The following STIM1 variants were observed in gnomAD, a reference collection of about 807,000 sequenced individuals.
STIM1 encodes stromal interaction molecule 1.
A neutral mutation model predicts 74.7 loss-of-function variants in STIM1; 25 were observed. The observed-to-expected ratio is 0.33, with a 90% CI of 0.24 to 0.47. STIM1 has a LOEUF of 0.47. Among genes scored for constraint, STIM1 ranks in the 20% least tolerant of loss-of-function variants. The pLI, the probability that STIM1 is intolerant of heterozygous loss-of-function variation, is 1.00. For synonymous variants in STIM1, 328 were observed against 348.8 expected (o/e 0.94, Z 0.66); for missense variants, 728 against 920.8 (o/e 0.79, Z 2.71).
chr11:4,029,659 G>T (rs941790595), intron 3 of STIM1, among the ~76,000 whole-genome samples: 1 of 152,134 alleles, frequency 6.6e-6, no homozygotes, highest in Non-Finnish European at 1.5e-5. Flanking sequence ...CCCTGCAATG[G>T]AATGGCATCT....
chr11:3,938,900 T>G (rs1309363695), intron 1 of STIM1, among the ~76,000 whole-genome samples: 1 of 152,186 alleles, frequency 6.6e-6, no homozygotes, highest in Admixed American at 6.5e-5. Context: ...CATTAGAAGA[T>G]GTGAGAAGGG....
chr11:3,873,431 A>G (rs1021045540), intron 1 of STIM1, among the ~76,000 whole-genome samples: 1 of 151,750 alleles, frequency 6.6e-6, no homozygotes, highest in Admixed American at 6.6e-5. Flanking sequence ...AAAAAAAAAA[A>G]AAAAAATTAA....
In STIM1 at chr11:3,906,229, T is replaced by A. The variant is rs190737609; in HGVS notation, c.139+49820T>A. Among the ~76,000 whole-genome samples, 138 of 152,332 alleles carry A rather than the reference T, an allele frequency of 9.1e-4. 1 individual carries two copies. The highest frequency in any genetic ancestry group is 3.2e-3 in the African/African-American group (131 of 41,586). On this transcript the variant is annotated intron_variant, in intron 1 of 12. Transcript: ENST00000526596. ...TGGTAGGCTTCTTCCTAAGTATTTT[T>A]ATTTGAGTTGAATAATTTTGATTCA...
intron 1 of STIM1, among the ~76,000 whole-genome samples, chr11:3,895,243 C>T (rs1281416558): frequency 6.6e-6 from 1 of 152,108 alleles, no homozygotes; most frequent in Non-Finnish European, 1.5e-5. Context: ...ACTCCTGGAG[C>T]AAAGCCACTT....
chr11:3,892,018 G>C (rs1016467572), intron 1 of STIM1, among the ~76,000 whole-genome samples: 7 of 152,248 alleles, frequency 4.6e-5, no homozygotes, highest in Admixed American at 1.3e-4. Context: ...GTCTAGCAGA[G>C]TGTCTAAGGA....
intron 1 of STIM1, among the ~76,000 whole-genome samples, chr11:3,933,596 T>C (rs2092897362): frequency 6.6e-6 from 1 of 152,218 alleles, no homozygotes; most frequent in South Asian, 2.1e-4. Context: ...TTGACTTATT[T>C]GCCTTGCCTC....
chr11:4,006,975 ATTCTC>A (rs1381707774), intron 2 of STIM1, among the ~76,000 whole-genome samples: 1 of 152,138 alleles, frequency 6.6e-6, no homozygotes, highest in Non-Finnish European at 1.5e-5. Flanking sequence ...ATGTCAGTGA[ATTCTC>A]TTCTCTGGTG....
In STIM1 at chr11:3,928,623, G is replaced by A. The variant is rs1403790103; in HGVS notation, c.140-38929G>A. Among the ~76,000 whole-genome samples, 3 of 152,094 alleles carry A rather than the reference G, an allele frequency of 2.0e-5. No homozygotes were observed. In the East Asian group the frequency reaches 5.8e-4, roughly 29 times the overall value. On this transcript the variant is annotated intron_variant, in intron 1 of 12. Coordinates refer to ENST00000526596, the MANE Select transcript of STIM1 (RefSeq NM_001382567.1). ...TGTGTGTGTGCGCGTGTGTGCATGT[G>A]TATGCATCTTATAGAGCCCCAGAAT... is the stretch of plus-strand genomic sequence containing the variant.
At chr11:3,930,167 A>C (rs1421108621) in intron 1 of STIM1, among the ~76,000 whole-genome samples, 1 of 152,154 alleles carries the variant, frequency 6.6e-6, no homozygotes, top group Non-Finnish European at 1.5e-5. Flanking sequence ...AAAAAAACCC[A>C]AACATGTATT....
intron 2 of STIM1, among the ~76,000 whole-genome samples, chr11:3,971,421 C>G (rs887346032): frequency 1.3e-5 from 2 of 152,058 alleles, no homozygotes; most frequent in Non-Finnish European, 2.9e-5. Flanking sequence ...CCTAGCTACT[C>G]TGGAGGCTGA....
intron 2 of STIM1, 86 bp from the exon 3 acceptor site, chr11:4,023,787 C>A: frequency 1.1e-6 from 1 of 912,056 alleles, no homozygotes; most frequent in Non-Finnish European, 1.8e-6. Flanking sequence ...TGTGTTATGG[C>A]TAGCTAGAGG....
intron 1 of STIM1, among the ~76,000 whole-genome samples, chr11:3,965,619 C>T (rs183344448): frequency 7.9e-5 from 12 of 152,310 alleles, no homozygotes; most frequent in African/African-American, 2.6e-4. Context: ...CATCCCACTC[C>T]CCAATTTAGC....
rs16929446 is a variant in STIM1, at chr11:4,074,571, C to T, written c.861C>T (p.Arg287=). The T allele has an allele frequency of 9.3e-4, 1,509 of 1,614,014 alleles. 15 individuals are homozygous for T. In the African/African-American group the frequency reaches 0.018, roughly 19 times the overall value. The change falls in exon 7 of 13, where the codon CGC becomes CGT. Residue 287 remains arginine (R), a synonymous_variant. Coordinates refer to ENST00000526596, the MANE Select transcript of STIM1 (RefSeq NM_001382567.1). ...VEKVHLEKKL[R]DEINLAKQEA... ...AGGTCCATCTGGAAAAGAAGCTGCG[C>T]GATGAGATCAACCTTGCTAAGCAGG...
chr11:4,016,328 G>C (rs2093896426), intron 2 of STIM1, among the ~76,000 whole-genome samples: 1 of 152,182 alleles, frequency 6.6e-6, no homozygotes. Context: ...TGTTGGAGTT[G>C]GCGGGAGGTC....
intron 2 of STIM1, among the ~76,000 whole-genome samples, chr11:4,020,057 T>C (rs1164244344): frequency 6.6e-6 from 1 of 152,244 alleles, no homozygotes; most frequent in Non-Finnish European, 1.5e-5. Flanking sequence ...TTATTTTTTG[T>C]GCCTGGCTTA....
intron 3 of STIM1, among the ~76,000 whole-genome samples, chr11:4,036,205 C>T (rs2094100945): frequency 6.6e-6 from 1 of 152,040 alleles, no homozygotes. Context: ...TTCATGGGTG[C>T]ATAGTATTCC....
intron 1 of STIM1, among the ~76,000 whole-genome samples, chr11:3,859,150 T>A (rs777168001): frequency 1.2e-4 from 18 of 152,240 alleles, no homozygotes; most frequent in Non-Finnish European, 2.2e-4. Flanking sequence ...CATCTGTCTC[T>A]TTTTAGTTAG....
At chr11:3,966,407 G>C (rs2093340965) in intron 1 of STIM1, among the ~76,000 whole-genome samples, 1 of 152,200 alleles carries the variant, frequency 6.6e-6, no homozygotes, top group South Asian at 2.1e-4. Context: ...TTGGCTGTCA[G>C]ACAAGTAGAT....
chr11:4,015,973 T>C (rs893044975), intron 2 of STIM1, among the ~76,000 whole-genome samples: 1 of 152,216 alleles, frequency 6.6e-6, no homozygotes, highest in Admixed American at 6.5e-5. Context: ...TTAGCTTCCT[T>C]GCAATGGGTT....
Sources: gnomAD v4.1 joint callset for allele counts (sites outside exome capture counted in the v4.1 genomes callset) on GRCh38, gnomAD v4.1.1 for gene constraint, MANE v1.5 for transcripts, NCBI Gene and HGNC (gene_info 2026-07-23, HGNC 2026-07-21) for gene names.